ETV6: variants seen among roughly 807,000 people sequenced by gnomAD.
ETV6 encodes the protein ETS variant transcription factor 6.
A neutral mutation model predicts 51.1 loss-of-function variants in ETV6; 16 were observed. The ratio of observed to expected loss-of-function variants is 0.31; its 90% CI spans 0.21 to 0.48. ETV6 has a LOEUF of 0.48. Ranked by LOEUF, ETV6 falls within the 20% of genes least tolerant of loss-of-function variation. The pLI is 0.99. For synonymous variants in ETV6, 240 were observed against 224.1 expected (o/e 1.07, Z -0.64); for missense variants, 458 against 594.8 (o/e 0.77, Z 2.39).
At position 11,650,497 on chromosome 12, in the gene ETV6, A is replaced by AAAC. The variant is rs1555109525; in HGVS notation, c.33+339_33+340insCAA. 6.4e-4 allele frequency among the ~76,000 whole-genome samples: 44 copies of AAAC among 69,112 alleles called. 1 individual carries two copies. The highest frequency in any genetic ancestry group is 4.7e-3 in the South Asian group (9 of 1,902). The allele number at this position is 69,112 out of a possible 152,430, so 45.3% of individuals were successfully genotyped here. On this transcript the variant is annotated intron_variant, in intron 1 of 7. Coordinates refer to ENST00000396373, the MANE Select transcript of ETV6 (RefSeq NM_001987.5). ...TAGTGCGCTTAAAAAAAAAAAAAAC[A>AAAC]AAAAACAAAAAAAAAAAACCTGCTC...
In ETV6 at chr12:11,884,154, T is replaced by TTTAAG. The variant is rs533377113; in HGVS notation, c.1010-288_1010-284dup. ...GTCTTTCACATGGGTTCTGCCCAGGTTTAAGTTTGGGTCACGACCGTGGAC... is the reference window on the plus strand; with the variant it reads ...GTCTTTCACATGGGTTCTGCCCAGGTTTAAGTTAAGTTTGGGTCACGACCGTGGAC... On this transcript the variant is annotated intron_variant, in intron 5 of 7. Coordinates refer to ENST00000396373, the MANE Select transcript of ETV6 (RefSeq NM_001987.5). Among the ~76,000 whole-genome samples, 19 of 152,348 alleles carry TTTAAG rather than the reference T, an allele frequency of 1.2e-4. 1 individual carries two copies. The South Asian group carries it at 3.9e-3, about 32-fold the overall frequency.
chr12:11,843,828 A>G (rs1035374738), intron 3 of ETV6, among the ~76,000 whole-genome samples: 1 of 152,194 alleles, frequency 6.6e-6, no homozygotes, highest in Non-Finnish European at 1.5e-5. Flanking sequence ...TTAAATAATT[A>G]TATGGTCTCT....
chr12:11,855,739 G>A (rs1242242166), intron 4 of ETV6, among the ~76,000 whole-genome samples: 2 of 152,088 alleles, frequency 1.3e-5, no homozygotes, highest in Non-Finnish European at 2.9e-5. Context: ...TTTCGTGCAC[G>A]CTCCCTGCCT....
At chr12:11,663,667 A>G (rs569515799) in intron 1 of ETV6, among the ~76,000 whole-genome samples, 9 of 152,304 alleles carry the variant, frequency 5.9e-5, no homozygotes, top group African/African-American at 2.2e-4. Flanking sequence ...AGCTGTTTCT[A>G]AGAGCATCTC....
At chr12:11,882,124 A>G (rs1448167541) in intron 5 of ETV6, among the ~76,000 whole-genome samples, 1 of 152,218 alleles carries the variant, frequency 6.6e-6, no homozygotes, top group Non-Finnish European at 1.5e-5. Flanking sequence ...ACACCACATT[A>G]ATGTTTAAAC....
intron 2 of ETV6, among the ~76,000 whole-genome samples, chr12:11,832,202 TG>T (rs1436434570): frequency 1.3e-5 from 2 of 152,112 alleles, no homozygotes; most frequent in African/African-American, 2.4e-5. Flanking sequence ...TGGGGTTGGA[TG>T]GGGTAACATC....
At chr12:11,786,345 TTC>T (rs939065137) in intron 2 of ETV6, among the ~76,000 whole-genome samples, 1 of 151,976 alleles carries the variant, frequency 6.6e-6, no homozygotes, top group Admixed American at 6.6e-5. Flanking sequence ...TGTTTTTTTT[TTC>T]ACTTTTCCCT....
chr12:11,742,578 C>T (rs1051534662), intron 1 of ETV6, among the ~76,000 whole-genome samples: 4 of 152,138 alleles, frequency 2.6e-5, no homozygotes, highest in African/African-American at 9.7e-5. Context: ...AATTCTGCCT[C>T]CTTCCCCAGT....
At chr12:11,731,389 A>T (rs1297083161) in intron 1 of ETV6, among the ~76,000 whole-genome samples, 2 of 152,072 alleles carry the variant, frequency 1.3e-5, no homozygotes, top group Admixed American at 1.3e-4. Context: ...TCAAAATTTC[A>T]TGTAGTAAGA....
intron 1 of ETV6, among the ~76,000 whole-genome samples, chr12:11,676,300 G>A (rs747751261): frequency 6.6e-6 from 1 of 152,112 alleles, no homozygotes; most frequent in Non-Finnish European, 1.5e-5. Context: ...CCCCGATCCT[G>A]GATCATCCAC....
chr12:11,674,903 A>T (rs895017131), intron 1 of ETV6, among the ~76,000 whole-genome samples: 1 of 152,082 alleles, frequency 6.6e-6, no homozygotes, highest in Non-Finnish European at 1.5e-5. Context: ...ATGACGGGTA[A>T]ATCTGGTGAG....
chr12:11,864,474 T>A (rs1174783259), intron 4 of ETV6, among the ~76,000 whole-genome samples: 1 of 152,180 alleles, frequency 6.6e-6, no homozygotes, highest in Non-Finnish European at 1.5e-5. Context: ...TAGAAGAAAA[T>A]ATAGGAAAGT....
At chr12:11,873,331 C>G (rs1328701107) in intron 5 of ETV6, among the ~76,000 whole-genome samples, 1 of 152,110 alleles carries the variant, frequency 6.6e-6, no homozygotes, top group Non-Finnish European at 1.5e-5. Context: ...TGTGTGTACT[C>G]CACTCTTCTG....
chr12:11,654,840 C>T (rs1358540452), intron 1 of ETV6, among the ~76,000 whole-genome samples: 1 of 152,200 alleles, frequency 6.6e-6, no homozygotes, highest in Non-Finnish European at 1.5e-5. Context: ...GCTCTTTTAT[C>T]AAGGGTCAGA....
intron 1 of ETV6, among the ~76,000 whole-genome samples, chr12:11,669,835 G>A (rs1444829292): frequency 2.6e-5 from 4 of 152,086 alleles, no homozygotes; most frequent in Non-Finnish European, 4.4e-5. Context: ...CCACCAGCAC[G>A]TAATGTCTGG....
At chr12:11,871,659 A>G (rs573320405) in intron 5 of ETV6, among the ~76,000 whole-genome samples, 1 of 152,364 alleles carries the variant, frequency 6.6e-6, no homozygotes, top group African/African-American at 2.4e-5. Context: ...AAAAACTATG[A>G]AAAAGGAAAT....
In ETV6 at chr12:11,752,301, C is replaced by A. The variant is rs543986652; in HGVS notation, c.34-149C>A. The A allele has an allele frequency of 7.4e-5, 57 of 767,204 alleles. 1 individual carries two copies. In the South Asian group the frequency reaches 9.5e-4, roughly 13 times the overall value. 47.5% of individuals were successfully genotyped at this position (767,204 alleles called of 1,614,324 possible). A position where few individuals can be genotyped will look rare whatever the true frequency, so the allele number is the denominator to read the frequency against. On this transcript the variant is annotated intron_variant, in intron 1 of 7. Coordinates refer to ENST00000396373, the MANE Select transcript of ETV6 (RefSeq NM_001987.5). ...AAGACAACTGTATACAGTGTCTCTA[C>A]GGAGAGAGTAAGCCGGATTGCTTGG...
At position 11,670,024 on chromosome 12, in the gene ETV6, C is replaced by CTTAAT. The variant is rs1366274167; in HGVS notation, c.33+19865_33+19866insTAATT. On this transcript the variant is annotated intron_variant, in intron 1 of 7. Transcript: ENST00000396373. The stretch of plus-strand genomic sequence containing the variant: ...CCAATCACATTCCTTCCCAAAATGA[C>CTTAAT]TGTGTTAGTACTTAATTGTTCACCT... Among the ~76,000 whole-genome samples, 699 of 152,290 alleles carry CTTAAT rather than the reference C, an allele frequency of 4.6e-3. 7 individuals carry two copies. Among genetic ancestry groups the CTTAAT allele is most frequent in the African/African-American group, 0.016 (669 of 41,540 alleles).
chr12:11,684,742 C>A (rs982119773), intron 1 of ETV6, among the ~76,000 whole-genome samples: 9 of 152,148 alleles, frequency 5.9e-5, no homozygotes, highest in Non-Finnish European at 1.3e-4. Context: ...ATAAAGCTAA[C>A]GGTCATGTTT....
Sources: allele counts gnomAD v4.1 joint callset (sites outside exome capture counted in the v4.1 genomes callset), GRCh38; gene constraint gnomAD v4.1.1; transcripts MANE v1.5; gene names NCBI Gene and HGNC (gene_info 2026-07-23, HGNC 2026-07-21).